PLPP1: variants seen among roughly 807,000 people sequenced by gnomAD.
PLPP1 encodes lipid phosphate phosphohydrolase 1a.
Under a neutral mutation model 31.2 loss-of-function variants are expected in PLPP1, and 24 were observed. That is an observed-to-expected ratio of 0.77 (90% confidence interval 0.56 to 1.08). PLPP1 has a LOEUF of 1.08. Among genes scored for constraint, PLPP1 ranks in the 50% least tolerant of loss-of-function variants. The probability of loss-of-function intolerance (pLI) is 0.00; values close to 1 mark genes in which losing one functional copy is unlikely to be tolerated. For missense variants in PLPP1, 319 were observed against 342.7 expected (o/e 0.93, Z 0.55); for synonymous variants, 146 against 126.3 (o/e 1.16, Z -1.05).
At chr5:55,472,652 AAGAAAGAGAGAGAGAGAC>A (rs1200845161) in intron 2 of PLPP1, among the ~76,000 whole-genome samples, 2 of 39,918 alleles carry the variant, frequency 5.0e-5, no homozygotes, top group African/African-American at 1.1e-4. Context: ...GAGAGAAAGA[AAGAAAGAGAGAGAGAGAC>A]AGAAAGAGAG....
intron 1 of PLPP1, among the ~76,000 whole-genome samples, chr5:55,531,441 C>T (rs185118312): frequency 2.0e-5 from 3 of 152,282 alleles, no homozygotes; most frequent in East Asian, 1.9e-4. Flanking sequence ...AACAGGTTGA[C>T]GTAACATCAT....
intron 1 of PLPP1, among the ~76,000 whole-genome samples, chr5:55,522,631 A>G (rs894450187): frequency 1.3e-5 from 2 of 152,256 alleles, no homozygotes; most frequent in Non-Finnish European, 1.5e-5. Flanking sequence ...AAACTACATC[A>G]TAACTAGTTA....
At chr5:55,511,058 T>C (rs1050933726) in intron 1 of PLPP1, among the ~76,000 whole-genome samples, 9 of 152,236 alleles carry the variant, frequency 5.9e-5, no homozygotes, top group African/African-American at 2.2e-4. Context: ...CTTAGTTTAT[T>C]ATTGTAATTC....
At chr5:55,475,805 C>G (rs1006625484) in intron 1 of PLPP1, among the ~76,000 whole-genome samples, 1 of 152,154 alleles carries the variant, frequency 6.6e-6, no homozygotes, top group Admixed American at 6.6e-5. Context: ...ACTTCCAAAC[C>G]AATTTTTCAT....
chr5:55,500,077 A>AT (rs72040194), intron 1 of PLPP1, among the ~76,000 whole-genome samples: 1,242 of 112,468 alleles, frequency 0.011, 27 homozygotes, highest in African/African-American at 0.037. Flanking sequence ...TTCTCTAAAA[A>AT]TTTTTTTTTT....
chr5:55,450,413 A>G (rs1375198991), intron 3 of PLPP1, among the ~76,000 whole-genome samples: 2 of 152,154 alleles, frequency 1.3e-5, no homozygotes, highest in African/African-American at 2.4e-5. Flanking sequence ...CTGTTTCTGG[A>G]AGAATCTTGC....
At chr5:55,471,202 A>ATTTT (rs113348948) in intron 2 of PLPP1, among the ~76,000 whole-genome samples, 1 of 139,608 alleles carries the variant, frequency 7.2e-6, no homozygotes, top group South Asian at 2.3e-4. Context: ...ATCAGATCAG[A>ATTTT]TTTTTTTTTT....
At chr5:55,431,619 T>TA in intron 4 of PLPP1, among the ~76,000 whole-genome samples, 1 of 151,872 alleles carries the variant, frequency 6.6e-6, no homozygotes. Context: ...ACAACAATGC[T>TA]AGGAGGTAAA....
intron 3 of PLPP1, among the ~76,000 whole-genome samples, chr5:55,466,846 A>G (rs551978364): frequency 6.6e-6 from 1 of 152,294 alleles, no homozygotes; most frequent in East Asian, 1.9e-4. Flanking sequence ...TTTACCCAAG[A>G]AAGTATTTGT....
At chr5:55,450,465 A>C (rs968430185) in intron 3 of PLPP1, among the ~76,000 whole-genome samples, 1 of 152,188 alleles carries the variant, frequency 6.6e-6, no homozygotes, top group Non-Finnish European at 1.5e-5. Flanking sequence ...TGAGAATCTT[A>C]AGATAAAGGA....
intron 1 of PLPP1, chr5:55,484,453 T>C (rs1752735109): frequency 6.6e-6 from 1 of 152,132 alleles, no homozygotes; most frequent in Non-Finnish European, 1.5e-5. Flanking sequence ...ATGGAAAGTT[T>C]CCAACTCCTA....
chr5:55,447,346 C>T (rs1751788468), intron 3 of PLPP1, among the ~76,000 whole-genome samples: 1 of 152,202 alleles, frequency 6.6e-6, no homozygotes, highest in Admixed American at 6.5e-5. Flanking sequence ...CCATTTCCCC[C>T]AGGTATGCCA....
At chr5:55,467,057 G>A (rs1752312524) in intron 3 of PLPP1, among the ~76,000 whole-genome samples, 1 of 151,970 alleles carries the variant, frequency 6.6e-6, no homozygotes, top group Non-Finnish European at 1.5e-5. Context: ...ATGTCTAAAG[G>A]TGTCCCAGCA....
chr5:55,514,873 A>G (rs1319655701), intron 1 of PLPP1, among the ~76,000 whole-genome samples: 1 of 152,240 alleles, frequency 6.6e-6, no homozygotes, highest in East Asian at 1.9e-4. Context: ...TGAGGCTAAG[A>G]GCAAACTTAT....
chr5:55,434,379 C>T (rs1444652681), intron 4 of PLPP1, among the ~76,000 whole-genome samples: 1 of 151,592 alleles, frequency 6.6e-6, no homozygotes, highest in Non-Finnish European at 1.5e-5. Flanking sequence ...AAATTTAATG[C>T]AACCCCTGTC....
rs185162969 is a variant in PLPP1, at chr5:55,467,310, G to T, written c.491+559C>A. ...GAACATAGCCACATTATTCATTTAAGTATTGTCTATGGCTGCTTTCTTGCT... is the reference window on the plus strand; with the variant it reads ...GAACATAGCCACATTATTCATTTAATTATTGTCTATGGCTGCTTTCTTGCT... On this transcript the variant is annotated intron_variant, in intron 3 of 5. Transcript: ENST00000307259. Among the ~76,000 whole-genome samples, 600 of 152,182 alleles carry T rather than the reference G, an allele frequency of 3.9e-3. 4 individuals carry two copies. Among genetic ancestry groups the T allele is most frequent in the African/African-American group, 0.014 (572 of 41,532 alleles).
chr5:55,468,152 G>A lies in PLPP1; in HGVS notation c.211-3C>T. The A allele has an allele frequency of 6.4e-7, 1 of 1,559,948 alleles. No homozygotes were observed. ...GACAGGGTTTCTCCAAGAATAATCT[G>A]AAAAAGAAACAGAAAAATAACATGT... On this transcript the variant is annotated splice_polypyrimidine_tract_variant and splice_region_variant and intron_variant, in intron 2 of 5. Transcript: ENST00000307259.
intron 3 of PLPP1, among the ~76,000 whole-genome samples, chr5:55,451,988 T>C (rs1243136572): frequency 6.6e-6 from 1 of 152,310 alleles, no homozygotes; most frequent in East Asian, 1.9e-4. Context: ...GAAAGCTGAA[T>C]AATTTTTACA....
intron 1 of PLPP1, among the ~76,000 whole-genome samples, chr5:55,494,037 C>G (rs868106876): frequency 1.6e-4 from 24 of 152,146 alleles, no homozygotes; most frequent in Middle Eastern, 3.4e-3. Flanking sequence ...GAGCAAGACT[C>G]CCAACTCCAA....
Sources: gnomAD v4.1 joint callset for allele counts (sites outside exome capture counted in the v4.1 genomes callset) on GRCh38, gnomAD v4.1.1 for gene constraint, MANE v1.5 for transcripts, NCBI Gene and HGNC (gene_info 2026-07-23, HGNC 2026-07-21) for gene names.